The following MRPL23 variants were observed in gnomAD, a reference collection of about 807,000 sequenced individuals.
MRPL23 encodes large ribosomal subunit protein uL23m.
For missense variants in MRPL23, 25 were observed against 81.3 expected (o/e 0.31, Z 2.66); for synonymous variants, 12 against 34.8 (o/e 0.35, Z 2.30).
chr11:1,959,369 G>T (rs950043414), downstream of MRPL23, among the ~76,000 whole-genome samples: 8 of 47,382 alleles, frequency 1.7e-4, 1 homozygote, highest in Admixed American at 1.6e-3. Context: ...GTGCGGGGAG[G>T]GCCCACAGGA....
At chr11:1,956,067 GGCC>G (rs1158862456) in intron 4 of MRPL23, among the ~76,000 whole-genome samples, 186 bp from the exon 5 acceptor site, 1 of 25,420 alleles carries the variant, frequency 3.9e-5, no homozygotes, top group Non-Finnish European at 7.9e-5. Context: ...GACAGCCGGG[GGCC>G]GGTGGCCGTG....
intron 5 of MRPL23, chr11:1,983,377 C>T (rs573313659): frequency 2.8e-5 from 1 of 35,666 alleles, no homozygotes; most frequent in South Asian, 1.3e-3. Context: ...TCCTTCGCTG[C>T]CCCTGCCACA....
At chr11:1,967,824 CTA>C (rs568226495), downstream of MRPL23, among the ~76,000 whole-genome samples, 2 of 10,360 alleles carry the variant, frequency 1.9e-4, no homozygotes, top group African/African-American at 3.5e-4. Context: ...AACAGGGAAA[CTA>C]TGTGTTCCGA....
At chr11:1,954,941 CT>C (rs1014257631) in intron 4 of MRPL23, among the ~76,000 whole-genome samples, 5 of 3,154 alleles carry the variant, frequency 1.6e-3, no homozygotes, top group Admixed American at 7.1e-3. Flanking sequence ...GGATCAAGGG[CT>C]TTTTTTTTTT....
intron 5 of MRPL23, among the ~76,000 whole-genome samples, chr11:1,978,750 C>CAA (rs61590768): frequency 9.3e-4 from 40 of 43,226 alleles, no homozygotes; most frequent in African/African-American, 3.1e-3. Context: ...AACTCTGTCT[C>CAA]AAAAAAAAAA....
chr11:1,964,175 C>CA (rs1174429529), downstream of MRPL23, among the ~76,000 whole-genome samples: 2 of 101,802 alleles, frequency 2.0e-5, 1 homozygote, highest in Non-Finnish European at 4.1e-5. Flanking sequence ...ACTGACCAGT[C>CA]ACAGATGCCG....
chr11:1,954,554 C>T (rs2240198), intron 4 of MRPL23, among the ~76,000 whole-genome samples: 917 of 12,318 alleles, frequency 0.074, 240 homozygotes, highest in South Asian at 0.17. Flanking sequence ...TCCCACATTT[C>T]TTTCTCCGAC....
chr11:1,966,676 C>T (rs113173324), downstream of MRPL23, among the ~76,000 whole-genome samples: 44 of 90,802 alleles, frequency 4.8e-4, 2 homozygotes, highest in Non-Finnish European at 6.3e-4. Flanking sequence ...TTCTGTCCCG[C>T]GCTGTCTGTC....
chr11:1,989,083 T>C (rs754352450), downstream of MRPL23, among the ~76,000 whole-genome samples: 3 of 138,838 alleles, frequency 2.2e-5, no homozygotes, highest in Non-Finnish European at 4.9e-5. Flanking sequence ...CACCTCAGAG[T>C]GGCAAGCACT....
intron 5 of MRPL23, among the ~76,000 whole-genome samples, chr11:1,979,219 AC>A (rs1856712842): frequency 7.1e-6 from 1 of 141,276 alleles, no homozygotes; most frequent in African/African-American, 2.5e-5. Flanking sequence ...GGAGATCATC[AC>A]TCCTCCTGGA....
At chr11:1,994,590 C>G in the MRPL23 span, among the ~76,000 whole-genome samples, 1 of 96,068 alleles carries the variant, frequency 1.0e-5, no homozygotes, top group Admixed American at 1.0e-4. Context: ...CCCCACAACC[C>G]CCTGGCTCCT....
chr11:1,988,583 GA>G (rs1410606754), downstream of MRPL23, among the ~76,000 whole-genome samples: 1 of 107,538 alleles, frequency 9.3e-6, no homozygotes. Flanking sequence ...GGATGGGGGA[GA>G]GGGGCACAGG....
intron 2 of MRPL23, among the ~76,000 whole-genome samples, chr11:1,951,797 CT>C (rs1856317045): frequency 1.4e-5 from 1 of 73,388 alleles, no homozygotes; most frequent in Non-Finnish European, 2.4e-5. Context: ...AGACTGTCAC[CT>C]CCTCTCACAG....
At chr11:1,989,162 G>A (rs1305862454), downstream of MRPL23, among the ~76,000 whole-genome samples, 15 of 120,436 alleles carry the variant, frequency 1.2e-4, 1 homozygote, top group Non-Finnish European at 2.6e-4. Flanking sequence ...GAAGGGGGAC[G>A]TGTCCCCAGC....
the MRPL23 span, among the ~76,000 whole-genome samples, chr11:1,991,588 A>ACACACC: frequency 4.8e-5 from 6 of 124,604 alleles, no homozygotes; most frequent in Admixed American, 1.6e-4. Flanking sequence ...ACACACACAC[A>ACACACC]CCCGTGCACA....
chr11:1,993,371 G>A, the MRPL23 span: 2 of 92,128 alleles, frequency 2.2e-5, 1 homozygote, highest in Non-Finnish European at 5.7e-5. Context: ...ATCCCTAGGA[G>A]CTGACACAGG....
In MRPL23 at chr11:1,983,587, G is replaced by C. The variant is rs911573418; in HGVS notation, c.498-851G>C. The C allele has an allele frequency of 3.0e-4, 37 of 123,532 alleles. 3 individuals are homozygous for C. The highest frequency in any genetic ancestry group is 8.5e-4 in the African/African-American group (30 of 35,114). The allele number at this position is 123,532 out of a possible 1,614,324, so 7.7% of individuals were successfully genotyped here. A position where few individuals can be genotyped will look rare whatever the true frequency, so the allele number is the denominator to read the frequency against. On this transcript the variant is annotated intron_variant, in intron 5 of 5. Coordinates refer to the MRPL23 transcript ENST00000397297. ...TCTGTGGAGGGAGGGGCTGCCTGGG[G>C]TATCTGGGGGTGGTGAGGGGGTGTC...
the MRPL23 span, among the ~76,000 whole-genome samples, chr11:1,991,554 A>T: frequency 3.1e-5 from 2 of 64,396 alleles, 1 homozygote; most frequent in Non-Finnish European, 5.8e-5. Context: ...CAGGCATCAC[A>T]CACACACACA....
intron 1 of MRPL23, among the ~76,000 whole-genome samples, chr11:1,950,647 G>A (rs12800987): frequency 2.9e-5 from 1 of 34,016 alleles, no homozygotes; most frequent in African/African-American, 6.2e-5. Context: ...GAGTGGACAC[G>A]CGGGGGTCTG....
Sources: gnomAD v4.1 joint callset for allele counts (sites outside exome capture counted in the v4.1 genomes callset) on GRCh38, gnomAD v4.1.1 for gene constraint, MANE v1.5 for transcripts, NCBI Gene and HGNC (gene_info 2026-07-23, HGNC 2026-07-21) for gene names.